Variants in FOXJ3 observed in about 807,000 individuals in gnomAD.
FOXJ3 encodes forkhead box protein J3.
FOXJ3 carries 22 observed loss-of-function variants against 76.1 expected under a neutral mutation model. That is an observed-to-expected ratio of 0.29 (90% CI 0.21 to 0.41). The LOEUF (loss-of-function observed/expected upper bound fraction) is 0.41. FOXJ3 is among the 10% of genes least tolerant of loss of function. The pLI, the probability that FOXJ3 is intolerant of heterozygous loss-of-function variation, is 1.00. For synonymous variants in FOXJ3, 269 were observed against 261.2 expected, an observed-to-expected ratio of 1.03 and a Z score of -0.29; for missense variants, 613 against 762.1, an observed-to-expected ratio of 0.80 and a Z score of 2.30.
At chr1:42,310,115 T>C (rs1222682529) in intron 2 of FOXJ3, among the ~76,000 whole-genome samples, 2 of 152,120 alleles carry the variant, frequency 1.3e-5, no homozygotes, top group African/African-American at 2.4e-5. Context: ...AAATTTACTA[T>C]GTTCTAATTA....
At chr1:42,254,973 T>A (rs1650461342) in intron 4 of FOXJ3, among the ~76,000 whole-genome samples, 1 of 150,212 alleles carries the variant, frequency 6.7e-6, no homozygotes, top group South Asian at 2.1e-4. Context: ...ATAATAATTT[T>A]AAAAAAAGAA....
At position 42,190,102 on chromosome 1, in the gene FOXJ3, AAG is replaced by A. The variant is rs563885063; in HGVS notation, c.1352-700_1352-699del. On this transcript the variant is annotated intron_variant, in intron 9 of 12. Coordinates refer to ENST00000361346, the MANE Select transcript of FOXJ3 (RefSeq NM_014947.5). The stretch of plus-strand genomic sequence containing the variant: ...ATGGTATCCTCTGGTATGACATCAG[AAG>A]AGTTTAAGACTCCATAATCTGTATG... Among the ~76,000 whole-genome samples the A allele has an allele frequency of 2.2e-4, 33 of 152,364 alleles. No individual in the cohort carries two copies. In the South Asian group the frequency reaches 4.3e-3, roughly 20 times the overall value.
At chr1:42,321,023 G>C (rs1557723586) in intron 1 of FOXJ3, among the ~76,000 whole-genome samples, 1 of 152,122 alleles carries the variant, frequency 6.6e-6, no homozygotes, top group African/African-American at 2.4e-5. Context: ...ATGCTGTACT[G>C]AAACTGAAAA....
chr1:42,205,148 C>T (rs1646836997), intron 6 of FOXJ3, among the ~76,000 whole-genome samples: 1 of 152,154 alleles, frequency 6.6e-6, no homozygotes, highest in Admixed American at 6.5e-5. Context: ...CTCCCAGAGT[C>T]TTTTTAGGGT....
chr1:42,285,334 C>T (rs1329886863), intron 2 of FOXJ3, among the ~76,000 whole-genome samples: 2 of 151,810 alleles, frequency 1.3e-5, no homozygotes, highest in Non-Finnish European at 2.9e-5. Flanking sequence ...CAGGCTTCAC[C>T]AGACTGTTAA....
chr1:42,196,668 G>A (rs546464570), intron 7 of FOXJ3, among the ~76,000 whole-genome samples: 1 of 152,288 alleles, frequency 6.6e-6, no homozygotes, highest in South Asian at 2.1e-4. Flanking sequence ...ACTTCAGTCT[G>A]GGCGACAGAG....
intron 1 of FOXJ3, among the ~76,000 whole-genome samples, chr1:42,323,105 TG>T (rs1655529686): frequency 2.0e-5 from 3 of 152,232 alleles, no homozygotes; most frequent in East Asian, 1.9e-4. Context: ...CTGAAGAAAC[TG>T]GGTGTGTTTA....
chr1:42,268,513 G>A (rs2124639847), intron 3 of FOXJ3, among the ~76,000 whole-genome samples: 1 of 151,924 alleles, frequency 6.6e-6, no homozygotes, highest in African/African-American at 2.4e-5. Context: ...AAAAATGAAG[G>A]TAGATTTAAT....
intron 3 of FOXJ3, among the ~76,000 whole-genome samples, chr1:42,272,579 T>C (rs1651939146): frequency 6.6e-6 from 1 of 152,230 alleles, no homozygotes; most frequent in Non-Finnish European, 1.5e-5. Context: ...GATCTTCTAG[T>C]TCTAAGAGCA....
chr1:42,242,493 C>G (rs1372899741), intron 4 of FOXJ3, among the ~76,000 whole-genome samples: 2 of 147,738 alleles, frequency 1.4e-5, no homozygotes, highest in Admixed American at 6.8e-5. Context: ...AGAGCTTCGA[C>G]AATAGACTAG....
chr1:42,240,474 A>G (rs1649044360), intron 4 of FOXJ3, among the ~76,000 whole-genome samples: 1 of 152,254 alleles, frequency 6.6e-6, no homozygotes, highest in Non-Finnish European at 1.5e-5. Flanking sequence ...ATAAAGTTGT[A>G]GTAATCAGAA....
chr1:42,265,074 C>T (rs368542139), intron 4 of FOXJ3, 41 bp downstream of exon 4: 2 of 1,166,228 alleles, frequency 1.7e-6, no homozygotes, highest in Non-Finnish European at 2.6e-6. Context: ...TGACAAGTGA[C>T]ATACTGAAGA....
intron 5 of FOXJ3, among the ~76,000 whole-genome samples, chr1:42,212,960 AAAAAAAAAAAAC>A (rs1000751980): frequency 1.0e-4 from 15 of 146,706 alleles, no homozygotes; most frequent in Admixed American, 4.7e-4. Flanking sequence ...TATCTAGCAA[AAAAAAAAAAAAC>A]AAAAAAAAAA....
chr1:42,274,194 G>T (rs1360988743), intron 3 of FOXJ3, among the ~76,000 whole-genome samples: 2 of 152,136 alleles, frequency 1.3e-5, no homozygotes, highest in Non-Finnish European at 2.9e-5. Context: ...AAAGTCTACA[G>T]TACCCAGGGG....
intron 4 of FOXJ3, among the ~76,000 whole-genome samples, chr1:42,237,429 CAT>C (rs1648763096): frequency 2.4e-5 from 3 of 123,324 alleles, no homozygotes; most frequent in African/African-American, 6.0e-5. Flanking sequence ...TATATATATA[CAT>C]ACATACATAT....
At chr1:42,267,865 T>G (rs1651587266) in intron 3 of FOXJ3, among the ~76,000 whole-genome samples, 1 of 152,094 alleles carries the variant, frequency 6.6e-6, no homozygotes, top group Admixed American at 6.6e-5. Flanking sequence ...ATCATTAAAC[T>G]AGACACAACT....
intron 1 of FOXJ3, among the ~76,000 whole-genome samples, chr1:42,332,660 C>T (rs1366231075): frequency 6.6e-6 from 1 of 152,122 alleles, no homozygotes; most frequent in Non-Finnish European, 1.5e-5. Context: ...TCAAACTAAA[C>T]CCTCTATCCT....
chr1:42,297,588 C>T (rs1177924804), intron 2 of FOXJ3, among the ~76,000 whole-genome samples: 1 of 152,164 alleles, frequency 6.6e-6, no homozygotes, highest in African/African-American at 2.4e-5. Flanking sequence ...TATGCTTAAA[C>T]ATTCTTGCAT....
chr1:42,329,332 T>C (rs1371081528), intron 1 of FOXJ3, among the ~76,000 whole-genome samples: 1 of 152,228 alleles, frequency 6.6e-6, no homozygotes, highest in East Asian at 1.9e-4. Flanking sequence ...CTTTTCCAAT[T>C]TCAGAGTAAG....
Sources: allele counts gnomAD v4.1 joint callset (sites outside exome capture counted in the v4.1 genomes callset), GRCh38; gene constraint gnomAD v4.1.1; transcripts MANE v1.5; gene names NCBI Gene and HGNC (gene_info 2026-07-23, HGNC 2026-07-21).